Variants in LSAMP observed in about 807,000 individuals in gnomAD.
LSAMP encodes the protein limbic system associated membrane protein.
LSAMP carries 7 observed loss-of-function variants against 38.6 expected under a neutral mutation model. The ratio of observed to expected loss-of-function variants is 0.18; its 90% CI spans 0.10 to 0.34. LSAMP has a LOEUF of 0.34. LSAMP is among the 10% of genes least tolerant of loss of function. The pLI is 1.00. For missense variants in LSAMP, 313 were observed against 420.0 expected, an observed-to-expected ratio of 0.75 and a Z score of 2.23; for synonymous variants, 154 against 166.8, an observed-to-expected ratio of 0.92 and a Z score of 0.59.
chr3:116,429,127 T>C (rs1365979583), intron 1 of LSAMP, among the ~76,000 whole-genome samples: 1 of 152,250 alleles, frequency 6.6e-6, no homozygotes, highest in Non-Finnish European at 1.5e-5. Context: ...AATGCTTCTT[T>C]CACTGTAAAT....
At chr3:116,039,866 C>T (rs1434931971) in intron 2 of LSAMP, among the ~76,000 whole-genome samples, 1 of 152,130 alleles carries the variant, frequency 6.6e-6, no homozygotes, top group South Asian at 2.1e-4. Flanking sequence ...TTTTCAATGA[C>T]CAGCTTGTCT....
chr3:116,206,377 G>A (rs1327873739), intron 1 of LSAMP, among the ~76,000 whole-genome samples: 2 of 151,098 alleles, frequency 1.3e-5, no homozygotes, highest in Admixed American at 1.3e-4. Context: ...TTAATTTTTT[G>A]AAGGGTTTTT....
chr3:115,875,627 A>C (rs6762021), intron 3 of LSAMP, among the ~76,000 whole-genome samples: 29,247 of 151,854 alleles, frequency 0.19, 3,670 homozygotes, highest in African/African-American at 0.34. Context: ...GGTCACTTCC[A>C]GGGTTAAAGA....
At chr3:115,945,056 T>C (rs1194997307) in intron 3 of LSAMP, among the ~76,000 whole-genome samples, 3 of 152,174 alleles carry the variant, frequency 2.0e-5, no homozygotes, top group Non-Finnish European at 4.4e-5. Flanking sequence ...TAACCAGATA[T>C]GGATTCCATC....
At chr3:116,413,415 C>T (rs1576204972) in intron 1 of LSAMP, among the ~76,000 whole-genome samples, 2 of 152,072 alleles carry the variant, frequency 1.3e-5, no homozygotes, top group East Asian at 1.9e-4. Flanking sequence ...AAGCACTGTC[C>T]TAGTCTTTGC....
chr3:115,863,136 C>T (rs957154069), intron 3 of LSAMP, among the ~76,000 whole-genome samples: 5 of 152,304 alleles, frequency 3.3e-5, no homozygotes, highest in African/African-American at 7.2e-5. Flanking sequence ...GCTATAGTCT[C>T]GAACTTGACA....
intron 1 of LSAMP, among the ~76,000 whole-genome samples, chr3:116,253,250 G>A (rs1339344475): frequency 6.6e-6 from 1 of 152,050 alleles, no homozygotes; most frequent in African/African-American, 2.4e-5. Flanking sequence ...TTCACCATTT[G>A]CACATACTGA....
At chr3:116,337,520 A>G (rs1013194005) in intron 1 of LSAMP, among the ~76,000 whole-genome samples, 2 of 151,972 alleles carry the variant, frequency 1.3e-5, no homozygotes, top group African/African-American at 2.4e-5. Context: ...TCAAAAACCA[A>G]AGAGTATTTT....
intron 3 of LSAMP, among the ~76,000 whole-genome samples, chr3:115,945,160 G>A (rs540510762): frequency 7.9e-5 from 12 of 151,922 alleles, no homozygotes; most frequent in African/African-American, 2.7e-4. Context: ...TTCGAATTAC[G>A]GCTCACATAC....
intron 1 of LSAMP, among the ~76,000 whole-genome samples, chr3:116,103,781 C>G (rs1708402946): frequency 6.6e-6 from 1 of 152,022 alleles, no homozygotes. Context: ...TTAAGGAAGT[C>G]AGAGTCCCTA....
intron 1 of LSAMP, among the ~76,000 whole-genome samples, chr3:116,298,536 G>T (rs148223380): frequency 6.6e-6 from 1 of 152,132 alleles, no homozygotes; most frequent in Non-Finnish European, 1.5e-5. Context: ...GGACAATATT[G>T]TTCAGTAGAA....
At chr3:116,007,846 C>T (rs555996108) in intron 3 of LSAMP, among the ~76,000 whole-genome samples, 10 of 152,220 alleles carry the variant, frequency 6.6e-5, no homozygotes, top group South Asian at 2.1e-4. Flanking sequence ...TCAGAATCAC[C>T]TGAAGGGCAT....
intron 1 of LSAMP, among the ~76,000 whole-genome samples, chr3:116,379,380 A>G (rs186562433): frequency 6.6e-6 from 1 of 152,138 alleles, no homozygotes; most frequent in East Asian, 1.9e-4. Context: ...AGACATGGAC[A>G]TTTCAACAAG....
intron 1 of LSAMP, among the ~76,000 whole-genome samples, chr3:116,100,750 T>C (rs1708327881): frequency 1.3e-5 from 2 of 152,264 alleles, no homozygotes; most frequent in South Asian, 2.1e-4. Context: ...AATAGATTAG[T>C]AAAACATCAG....
At chr3:116,382,342 A>G (rs2048570589) in intron 1 of LSAMP, among the ~76,000 whole-genome samples, 1 of 152,098 alleles carries the variant, frequency 6.6e-6, no homozygotes, top group Admixed American at 6.5e-5. Context: ...GGATGAGTTC[A>G]TGTCCTTTGT....
chr3:115,819,074 C>T (rs974042526), intron 6 of LSAMP, among the ~76,000 whole-genome samples: 7 of 151,040 alleles, frequency 4.6e-5, no homozygotes, highest in African/African-American at 1.5e-4. Flanking sequence ...CACTTGAACC[C>T]GGGAGGCGGA....
chr3:116,053,214 A>C (rs1416921822), intron 2 of LSAMP, among the ~76,000 whole-genome samples: 1 of 152,246 alleles, frequency 6.6e-6, no homozygotes, highest in Non-Finnish European at 1.5e-5. Context: ...CTCTCTGCTT[A>C]GTGTCAGAAA....
At chr3:115,955,101 A>T (rs772061537) in intron 3 of LSAMP, among the ~76,000 whole-genome samples, 122 of 151,820 alleles carry the variant, frequency 8.0e-4, no homozygotes, top group Non-Finnish European at 1.4e-3. Flanking sequence ...AGCCAGGCTA[A>T]TTTTTTGTAT....
chr3:116,001,377 T>C lies in LSAMP; in HGVS notation c.514+18138A>G, dbSNP rs1306030761. Reference sequence around the variant, plus strand: ...AAAAGGAATTCTGTACAGGCATATATTCCGTATCTTTTATTTCCTTCCAGA... The same window carrying C: ...AAAAGGAATTCTGTACAGGCATATACTCCGTATCTTTTATTTCCTTCCAGA... On this transcript the variant is annotated intron_variant, in intron 3 of 6. Coordinates refer to ENST00000490035, the MANE Select transcript of LSAMP (RefSeq NM_002338.5). 2.6e-5 allele frequency among the ~76,000 whole-genome samples: 4 copies of C among 152,332 alleles called. No homozygotes were observed. The East Asian group carries it at 5.8e-4, about 22-fold the overall frequency.
Sources: gnomAD v4.1 joint callset for allele counts (sites outside exome capture counted in the v4.1 genomes callset) on GRCh38, gnomAD v4.1.1 for gene constraint, MANE v1.5 for transcripts, NCBI Gene and HGNC (gene_info 2026-07-23, HGNC 2026-07-21) for gene names.